MYO15A: variants seen among roughly 807,000 people sequenced by gnomAD.
MYO15A encodes unconventional myosin-XV.
Under a neutral mutation model 394.6 loss-of-function variants are expected in MYO15A, and 308 were observed. The observed-to-expected ratio is 0.78, with a 90% CI of 0.71 to 0.86. MYO15A has a LOEUF of 0.86. Ranked by LOEUF, MYO15A falls within the 40% of genes least tolerant of loss-of-function variation. The pLI is 0.00. For missense variants in MYO15A, 4,606 were observed against 4,799.1 expected (o/e 0.96, Z 1.19); for synonymous variants, 1,957 against 2,003.8 (o/e 0.98, Z 0.62).
chr17:18,137,923 G>A lies in MYO15A; in HGVS notation c.4876-192G>A, dbSNP rs551538916. 6.7e-6 allele frequency: 6 copies of A among 893,306 alleles called. No individual in the cohort carries two copies. In the Admixed American group the frequency reaches 8.9e-5, roughly 13 times the overall value. 55.3% of individuals were successfully genotyped at this position (893,306 alleles called of 1,614,324 possible). On this transcript the variant is annotated intron_variant, in intron 16 of 65. Coordinates refer to ENST00000647165, the MANE Select transcript of MYO15A (RefSeq NM_016239.4). ...GGTCCTTCTTCTCCTCTACTGGGCT[G>A]TCCCAGGCAGAGGGAGCAGCAGGAC... is the stretch of plus-strand genomic sequence containing the variant.
chr17:18,142,742 CTA>C lies in MYO15A; in HGVS notation c.5826-13_5826-12del. The C allele has an allele frequency of 6.2e-7, 1 of 1,612,402 alleles. No individual in the cohort carries two copies. The highest frequency in any genetic ancestry group is 8.5e-7 in the Non-Finnish European group (1 of 1,179,090). On this transcript the variant is annotated splice_polypyrimidine_tract_variant and intron_variant, in intron 24 of 65. Transcript: ENST00000647165. ...GTGGCCCCAATCCCTGACCTCCCCA[CTA>C]CCCCAACCCAGGCAACGCTATCAGC... is the stretch of plus-strand genomic sequence containing the variant.
In MYO15A at chr17:18,163,384, C is replaced by T; in HGVS notation, c.9690+63C>T. The T allele has an allele frequency of 8.5e-6, 13 of 1,538,312 alleles. No homozygotes were observed. In the South Asian group the frequency reaches 1.3e-4, roughly 16 times the overall value. ...GGGGCAGGGACAAGGACAGCCCAGG[C>T]TCCAGGATGGGGGTGGAGTAAGCCC... On this transcript the variant is annotated intron_variant, in intron 59 of 65. Coordinates refer to ENST00000647165, the MANE Select transcript of MYO15A (RefSeq NM_016239.4).
intron 1 of MYO15A, among the ~76,000 whole-genome samples, chr17:18,116,531 C>T (rs925463926): frequency 1.3e-5 from 2 of 152,202 alleles, no homozygotes; most frequent in Admixed American, 1.3e-4. Flanking sequence ...CTGTGAGAGT[C>T]CCATGAGACC....
chr17:18,159,079 C>G, intron 53 of MYO15A, 82 bp downstream of exon 53: 1 of 1,488,274 alleles, frequency 6.7e-7, no homozygotes, highest in African/African-American at 1.4e-5. Context: ...GGCCAACAAA[C>G]TTGTTCTCAG....
chr17:18,115,364 A>G (rs1471151287), intron 1 of MYO15A, among the ~76,000 whole-genome samples: 1 of 152,100 alleles, frequency 6.6e-6, no homozygotes, highest in Non-Finnish European at 1.5e-5. Context: ...CACGGATGTA[A>G]TCCCAACACT....
chr17:18,113,644 A>G (rs2045748556), intron 1 of MYO15A, among the ~76,000 whole-genome samples: 1 of 151,946 alleles, frequency 6.6e-6, no homozygotes, highest in South Asian at 2.1e-4. Context: ...CTGTAATTCC[A>G]GCTACTCAGG....
rs750304417 is a variant in MYO15A at position 18,122,108 on chromosome 17, G to T, written c.3308G>T (p.Gly1103Val). Residue 1103 changes from glycine (G) to valine (V), a missense_variant, in exon 2 of 66, where the codon GGG becomes GTG. This residue lies in a region of MYO15A where 1,830 missense variants were observed against 1,689.7 expected (regional missense o/e 1.08). Transcript: ENST00000647165. ...PIRAPEPLPK[G>V]GERRQAAPGR... is the part of the protein sequence containing the mutation. ...AGGGCCCCAGAGCCCCTGCCCAAGG[G>T]GGGTGAACGGCGCCAGGCAGCCCCT... 53 of 1,612,810 alleles carry T rather than the reference G, an allele frequency of 3.3e-5. 1 individual carries two copies. The highest frequency in any genetic ancestry group is 5.3e-5 in the African/African-American group (4 of 74,952).
chr17:18,122,190 T>A lies in MYO15A; in HGVS notation c.3390T>A (p.Val1130=). The change falls in exon 2 of 66, where the codon GTT becomes GTA. Residue 1130 remains valine (V), a synonymous_variant. Transcript: ENST00000647165. The part of the protein sequence containing the change: ...RVQKLSSFQR[V]GPATLKPQVQ... ...AGAAGCTGAGCTCTTTCCAGCGAGTTGGGCCTGCAACCCTGAAGCCTCAAG... is the reference window on the plus strand; with the variant it reads ...AGAAGCTGAGCTCTTTCCAGCGAGTAGGGCCTGCAACCCTGAAGCCTCAAG... 6.2e-7 allele frequency: 1 copy of A among 1,613,126 alleles called. No individual in the cohort carries two copies. The highest frequency in any genetic ancestry group is 8.5e-7 in the Non-Finnish European group (1 of 1,180,020).
intron 51 of MYO15A, 31 bp downstream of exon 51, chr17:18,157,931 G>GGGGGGGGGCC: frequency 4.8e-6 from 2 of 412,718 alleles, no homozygotes; most frequent in Non-Finnish European, 9.0e-6. Flanking sequence ...GTGGGGCGGG[G>GGGGGGGGGCC]TAGACCAGGG....
chr17:18,118,772 C>A lies in MYO15A; in HGVS notation c.-29C>A. On this transcript the variant is annotated 5_prime_UTR_variant, in exon 2 of 66. Coordinates refer to ENST00000647165, the MANE Select transcript of MYO15A (RefSeq NM_016239.4). ...AGTCCCTGAGCCCGTGACACCGGCC[C>A]CAGGCCCTGTAGAGAGCAGGCAGCC... 6.2e-7 allele frequency: 1 copy of A among 1,607,710 alleles called. No individual in the cohort carries two copies. Among genetic ancestry groups the A allele is most frequent in the East Asian group, 2.2e-5 (1 of 44,572 alleles).
chr17:18,154,824 G>A (rs1285471991), intron 45 of MYO15A, 69 bp downstream of exon 45: 6 of 1,530,778 alleles, frequency 3.9e-6, no homozygotes, highest in African/African-American at 1.4e-5. Flanking sequence ...CTGTCCCAGA[G>A]GGAGACTGAG....
At chr17:18,163,609 C>A in intron 59 of MYO15A, 133 bp from the exon 60 acceptor site, 1 of 843,898 alleles carries the variant, frequency 1.2e-6, no homozygotes, top group Non-Finnish European at 1.9e-6. Flanking sequence ...TTCTCAGAGA[C>A]CTCAGAGGAT....
chr17:18,112,364 A>G lies in MYO15A; in HGVS notation c.-220+3540A>G, dbSNP rs186704577. Among the ~76,000 whole-genome samples, 29 of 149,300 alleles carry G rather than the reference A, an allele frequency of 1.9e-4. No individual in the cohort carries two copies. In the East Asian group the frequency reaches 4.5e-3, roughly 23 times the overall value. ...AAGTGGTGTTTCCACTCAGTCTCCAATCCCTTTTTTTTTCCATTTTCACAT... is the reference window on the plus strand; with the variant it reads ...AAGTGGTGTTTCCACTCAGTCTCCAGTCCCTTTTTTTTTCCATTTTCACAT... On this transcript the variant is annotated intron_variant, in intron 1 of 65. Coordinates refer to ENST00000647165, the MANE Select transcript of MYO15A (RefSeq NM_016239.4).
In MYO15A at chr17:18,119,145, TGGCTACGGCCGCCTGC is replaced by T; in HGVS notation, c.349_364del (p.Tyr117ArgfsTer322). On this transcript the variant is annotated frameshift_variant, in exon 2 of 66. Transcript: ENST00000647165. LOFTEE classifies it high-confidence loss of function. ...TGGTGATCCGCTTCCCAGGCCGCCG[TGGCTACGGCCGCCTGC>T]GGCCGCGCGCCCGGTCACTCAGCAA... is the stretch of plus-strand genomic sequence containing the variant. 6.2e-7 allele frequency: 1 copy of T among 1,611,736 alleles called. No homozygotes were observed. The highest frequency in any genetic ancestry group is 1.1e-5 in the South Asian group (1 of 91,060).
In MYO15A at chr17:18,150,170, G is replaced by A. The variant is rs140433820; in HGVS notation, c.7213-259G>A. Among the ~76,000 whole-genome samples, 1 of 152,160 alleles carries A rather than the reference G, an allele frequency of 6.6e-6. No homozygotes were observed. The highest frequency in any genetic ancestry group is 2.1e-4 in the South Asian group (1 of 4,822). On this transcript the variant is annotated intron_variant, in intron 35 of 65. Coordinates refer to ENST00000647165, the MANE Select transcript of MYO15A (RefSeq NM_016239.4). This position sits in a 1 kb window ranked among gnomAD's most constrained non-coding sequence, Gnocchi z 4.4. ...TGCCCCTGGCATGATATGCAGCCCT[G>A]AGCAGGGCACAACCCCTCCTTGAGC...
At position 18,149,305 on chromosome 17, in the gene MYO15A, G is replaced by A. The variant is rs1302652375; in HGVS notation, c.7046G>A (p.Gly2349Glu). The A allele has an allele frequency of 6.2e-7, 1 of 1,613,200 alleles. No individual in the cohort carries two copies. The change falls in exon 34 of 66, where the codon GGG (glycine) becomes GAG (glutamate). Residue 2349 changes from glycine (G) to glutamate (E), a missense_variant. By Grantham distance (98) the Gly-to-Glu change is moderately conservative. Around this residue, in one of 2 missense-constraint regions of MYO15A, gnomAD observed 2,776 missense variants for 3,109.3 expected, o/e 0.89. Coordinates refer to ENST00000647165, the MANE Select transcript of MYO15A (RefSeq NM_016239.4). ...EHMPKVLDSD[G>E]YSSHNQDGTN... ...ATGCCCAAAGTACTTGACTCTGATG[G>A]GTACAGCAGCCACAATCAGGACGGT... is the stretch of plus-strand genomic sequence containing the variant.
intron 57 of MYO15A, 34 bp downstream of exon 57, chr17:18,161,481 A>G (rs2046776954): frequency 1.2e-6 from 2 of 1,610,930 alleles, no homozygotes; most frequent in Admixed American, 3.3e-5. Context: ...CCAGGGCTGC[A>G]TGCTTCTCCC....
At position 18,142,767 on chromosome 17, in the gene MYO15A, A is replaced by C; in HGVS notation, c.5837A>C (p.Gln1946Pro). Residue 1946 changes from glutamine (Q) to proline (P), a missense_variant, in exon 25 of 66, where the codon CAG (glutamine) becomes CCG (proline). Physicochemically the swap from Gln to Pro is moderately conservative, Grantham distance 76. Coordinates refer to ENST00000647165, the MANE Select transcript of MYO15A (RefSeq NM_016239.4). ...CTACCCCAACCCAGGCAACGCTATC[A>C]GCAGATGAGGAGGAGTCTGGTGAAG... ...ARGYLARQRYQQMRRSLVKFR... is the reference protein window; with the variant it reads ...ARGYLARQRYPQMRRSLVKFR... 3 of 1,613,686 alleles carry C rather than the reference A, an allele frequency of 1.9e-6. No homozygotes were observed. Among genetic ancestry groups the C allele is most frequent in the Non-Finnish European group, 2.5e-6 (3 of 1,179,924 alleles).
chr17:18,109,650 C>G (rs2045697840), intron 1 of MYO15A: 1 of 152,202 alleles, frequency 6.6e-6, no homozygotes, highest in Admixed American at 6.5e-5. Context: ...TGTCAGCCAC[C>G]TTGTTCTCAT....
Sources: gnomAD v4.1 joint callset for allele counts (sites outside exome capture counted in the v4.1 genomes callset) on GRCh38, gnomAD v4.1.1 for gene constraint, gnomAD v4.1.1 regional missense constraint, Gnocchi (gnomAD v3.1) non-coding constraint, MANE v1.5 for transcripts, NCBI Gene and HGNC (gene_info 2026-07-23, HGNC 2026-07-21) for gene names.